Variants in ACAP2 observed in about 807,000 individuals in gnomAD.
ACAP2 encodes arf-GAP with coiled-coil, ANK repeat and PH domain-containing protein 2.
A neutral mutation model predicts 115.8 loss-of-function variants in ACAP2; 39 were observed. The ratio of observed to expected loss-of-function variants is 0.34; its 90% CI spans 0.26 to 0.44. The LOEUF is 0.44. ACAP2 is among the 20% of genes least tolerant of loss of function. The probability of loss-of-function intolerance (pLI) is 1.00; values close to 1 mark genes in which losing one functional copy is unlikely to be tolerated. For missense variants in ACAP2, 662 were observed against 927.6 expected (o/e 0.71, Z 3.72); for synonymous variants, 289 against 315.8 (o/e 0.92, Z 0.90).
In ACAP2 at chr3:195,359,560, G is replaced by A. The variant is rs187001908; in HGVS notation, c.286-14243C>T. On this transcript the variant is annotated intron_variant, in intron 4 of 22. Coordinates refer to ENST00000326793, the MANE Select transcript of ACAP2 (RefSeq NM_012287.6). ...TCTGCTCACTGCAAGCTCTGCCTCC[G>A]GGGTTCACGCCATTCTCCTGCCTCA... Among the ~76,000 whole-genome samples, 68 of 152,200 alleles carry A rather than the reference G, an allele frequency of 4.5e-4. No homozygotes were observed. The Middle Eastern group carries it at 0.017, about 38-fold the overall frequency.
At chr3:195,311,289 G>A (rs971528127) in intron 10 of ACAP2, among the ~76,000 whole-genome samples, 83 of 151,872 alleles carry the variant, frequency 5.5e-4, no homozygotes, top group African/African-American at 1.8e-3. Context: ...TAGAGACGAG[G>A]TTTTACCATG....
chr3:195,352,687 C>T (rs1448976477), intron 4 of ACAP2, among the ~76,000 whole-genome samples: 1 of 152,198 alleles, frequency 6.6e-6, no homozygotes. Context: ...TCTTCAAAAG[C>T]AGCCCCAATT....
intron 19 of ACAP2, 136 bp downstream of exon 19, chr3:195,292,129 T>C: frequency 9.0e-7 from 1 of 1,115,728 alleles, no homozygotes; most frequent in Non-Finnish European, 1.2e-6. Context: ...ACCACTACTA[T>C]TAATAGCACA....
At chr3:195,289,258 A>G (rs1186988289) in intron 20 of ACAP2, 27 bp from the exon 21 acceptor site, 1 of 1,525,460 alleles carries the variant, frequency 6.6e-7, no homozygotes, top group Admixed American at 1.9e-5. Flanking sequence ...CATTTTTGAG[A>G]TATTGTCGAT....
chr3:195,282,222 C>G (rs1360970039), intron 22 of ACAP2: 1 of 152,150 alleles, frequency 6.6e-6, no homozygotes. Flanking sequence ...ACCTATTACA[C>G]AAGTATATTT....
chr3:195,307,384 G>T, intron 11 of ACAP2, 61 bp from the exon 12 acceptor site: 3 of 981,900 alleles, frequency 3.1e-6, no homozygotes, highest in Non-Finnish European at 4.7e-6. Context: ...TACCAATAAT[G>T]AAATACTTAA....
In ACAP2 at chr3:195,306,498, T is replaced by C. The variant is rs369110883; in HGVS notation, c.1116+13A>G. 5.7e-6 allele frequency: 9 copies of C among 1,574,226 alleles called. No homozygotes were observed. The highest frequency in any genetic ancestry group is 6.9e-6 in the Non-Finnish European group (8 of 1,155,392). Reference sequence around the variant, plus strand: ...GCAATATATTATCTGGTATTGCTAATACCTCTACTAACCTCTGATTCATCA... The same window carrying C: ...GCAATATATTATCTGGTATTGCTAACACCTCTACTAACCTCTGATTCATCA... On this transcript the variant is annotated intron_variant, in intron 13 of 22. Coordinates refer to ENST00000326793, the MANE Select transcript of ACAP2 (RefSeq NM_012287.6).
At chr3:195,442,746 GCGCCGGGAAGGCAGCTCCGCGGTGA>G in intron 1 of ACAP2, 24 bp downstream of exon 1, 1 of 1,522,076 alleles carries the variant, frequency 6.6e-7, no homozygotes, top group East Asian at 2.7e-5. Flanking sequence ...CACGCCCCCA[GCGCCGGGAAGGCAGCTCCGCGGTGA>G]CGCCGGGCGG....
At chr3:195,346,911 G>A (rs1731222512) in intron 4 of ACAP2, among the ~76,000 whole-genome samples, 1 of 152,158 alleles carries the variant, frequency 6.6e-6, no homozygotes, top group Non-Finnish European at 1.5e-5. Flanking sequence ...GGGCATTCAG[G>A]AAAGTGCAAG....
chr3:195,285,489 C>A, intron 22 of ACAP2: 1 of 277,948 alleles, frequency 3.6e-6, no homozygotes, highest in Non-Finnish European at 6.7e-6. Context: ...ATTCATTTCA[C>A]TGGAATGTAT....
chr3:195,400,569 G>A (rs1242649229), intron 1 of ACAP2, among the ~76,000 whole-genome samples: 1 of 149,610 alleles, frequency 6.7e-6, no homozygotes, highest in Non-Finnish European at 1.5e-5. Context: ...CCATTTCCAA[G>A]AATTCTTATC....
chr3:195,426,669 CAAAAAAG>C (rs1279373108), intron 1 of ACAP2, among the ~76,000 whole-genome samples: 6 of 151,138 alleles, frequency 4.0e-5, no homozygotes, highest in Non-Finnish European at 8.9e-5. Context: ...CTGAGTAGTC[CAAAAAAG>C]AAAAAAGAAA....
chr3:195,407,095 T>G (rs1712836557), intron 1 of ACAP2, among the ~76,000 whole-genome samples: 1 of 152,012 alleles, frequency 6.6e-6, no homozygotes. Context: ...TCATAAAAAT[T>G]TAAATATCTG....
At chr3:195,442,379 G>C (rs912448927) in intron 1 of ACAP2, 1 of 239,462 alleles carries the variant, frequency 4.2e-6, no homozygotes, top group African/African-American at 2.3e-5. Context: ...CCTCAAAGAG[G>C]GGGTGGGGAG....
chr3:195,283,041 T>C (rs1726606844), intron 22 of ACAP2, among the ~76,000 whole-genome samples: 1 of 152,202 alleles, frequency 6.6e-6, no homozygotes, highest in African/African-American at 2.4e-5. Flanking sequence ...ACTTTCATAA[T>C]TACTTAGATC....
rs750135305 is a variant in ACAP2 at position 195,292,417 on chromosome 3, A to G, written c.1801T>C (p.Ser601Pro). 1 of 1,611,542 alleles carries G rather than the reference A, an allele frequency of 6.2e-7. No individual in the cohort carries two copies. Among genetic ancestry groups the G allele is most frequent in the Non-Finnish European group, 8.5e-7 (1 of 1,179,380 alleles). The change falls in exon 19 of 23, where the codon TCG becomes CCG. Residue 601 changes from serine (S) to proline (P), a missense_variant. Coordinates refer to ENST00000326793, the MANE Select transcript of ACAP2 (RefSeq NM_012287.6). ...ERQDSSMFLD[S>P]KHLNPGLQLY... ...TGAAGTCCTGGATTAAGATGTTTCG[A>G]GTCAAGAAACATAGAAGAATCTTGC...
At chr3:195,423,787 G>A (rs1298078264) in intron 1 of ACAP2, among the ~76,000 whole-genome samples, 1 of 151,692 alleles carries the variant, frequency 6.6e-6, no homozygotes, top group Non-Finnish European at 1.5e-5. Context: ...TACACACACT[G>A]AAATTTTATA....
At chr3:195,366,045 T>C (rs1359689963) in intron 4 of ACAP2, among the ~76,000 whole-genome samples, 1 of 152,160 alleles carries the variant, frequency 6.6e-6, no homozygotes, top group African/African-American at 2.4e-5. Context: ...TTTCACCACG[T>C]TGGCCAGGCT....
At chr3:195,382,877 T>C (rs1231498489) in intron 2 of ACAP2, among the ~76,000 whole-genome samples, 2 of 141,146 alleles carry the variant, frequency 1.4e-5, no homozygotes, top group Non-Finnish European at 3.1e-5. Context: ...AAACTATGCA[T>C]GGAAAAAAAA....
Sources: gnomAD v4.1 joint callset for allele counts (sites outside exome capture counted in the v4.1 genomes callset) on GRCh38, gnomAD v4.1.1 for gene constraint, MANE v1.5 for transcripts, NCBI Gene and HGNC (gene_info 2026-07-23, HGNC 2026-07-21) for gene names.